Variants in ARSG observed in about 807,000 individuals in gnomAD.
ARSG encodes the protein ASG.
ARSG carries 37 observed loss-of-function variants against 50.5 expected under a neutral mutation model. The observed-to-expected ratio is 0.73, with a 90% confidence interval of 0.56 to 0.96. ARSG has a LOEUF of 0.96. ARSG is among the 50% of genes least tolerant of loss of function. The pLI is 0.00. For synonymous variants in ARSG, 225 were observed against 254.6 expected (o/e 0.88, Z 1.11); for missense variants, 629 against 675.3 (o/e 0.93, Z 0.76).
chr17:68,277,992 A>G (rs2075578964), intron 1 of ARSG: 2 of 765,704 alleles, frequency 2.6e-6, no homozygotes, highest in East Asian at 5.3e-5. Flanking sequence ...GTATAAGGGA[A>G]TGAAAGCATC....
chr17:68,408,544 T>G (rs2081852953), intron 11 of ARSG, among the ~76,000 whole-genome samples: 2 of 152,138 alleles, frequency 1.3e-5, no homozygotes, highest in African/African-American at 4.8e-5. Flanking sequence ...TTTGGGTTGG[T>G]TCCAAGTCTT....
intron 10 of ARSG, chr17:68,401,065 C>G: frequency 3.4e-6 from 1 of 293,920 alleles, no homozygotes; most frequent in Non-Finnish European, 6.4e-6. Flanking sequence ...GCTCTATCAC[C>G]CAGGCTGGAG....
At chr17:68,369,745 T>C (rs2079731622) in intron 7 of ARSG, among the ~76,000 whole-genome samples, 1 of 152,198 alleles carries the variant, frequency 6.6e-6, no homozygotes, top group Non-Finnish European at 1.5e-5. Flanking sequence ...TATGAGATGA[T>C]GTATGTGAAA....
intron 1 of ARSG, among the ~76,000 whole-genome samples, chr17:68,296,186 ATT>A (rs2076200462): frequency 6.6e-6 from 1 of 152,060 alleles, no homozygotes; most frequent in Admixed American, 6.6e-5. Context: ...GTGGGATCTC[ATT>A]GGCAATATTG....
intron 8 of ARSG, among the ~76,000 whole-genome samples, chr17:68,371,927 T>C (rs187523468): frequency 6.6e-6 from 1 of 152,250 alleles, no homozygotes; most frequent in Admixed American, 6.5e-5. Context: ...AATAATCACA[T>C]GTAGACTCAA....
At chr17:68,334,174 A>C (rs753133273) in intron 2 of ARSG, among the ~76,000 whole-genome samples, 2 of 152,098 alleles carry the variant, frequency 1.3e-5, no homozygotes, top group Non-Finnish European at 2.9e-5. Context: ...GCCTGCTTCT[A>C]AGATTTGGTT....
At chr17:68,353,611 C>T (rs2078899563) in intron 5 of ARSG, among the ~76,000 whole-genome samples, 1 of 152,180 alleles carries the variant, frequency 6.6e-6, no homozygotes, top group Non-Finnish European at 1.5e-5. Context: ...TCTTACCCAC[C>T]GTGGCCTGCT....
chr17:68,439,808 C>T, the ARSG span, among the ~76,000 whole-genome samples: 5 of 152,090 alleles, frequency 3.3e-5, no homozygotes, highest in Admixed American at 2.0e-4. Context: ...TGAAGGCTAC[C>T]GTGATATAGA....
chr17:68,437,099 A>G, the ARSG span, among the ~76,000 whole-genome samples: 7 of 151,722 alleles, frequency 4.6e-5, no homozygotes, highest in African/African-American at 1.7e-4. Flanking sequence ...TTTTCTTCCA[A>G]TTCCATTATC....
At chr17:68,308,660 T>G (rs567192073) in intron 2 of ARSG, among the ~76,000 whole-genome samples, 1 of 152,306 alleles carries the variant, frequency 6.6e-6, no homozygotes, top group East Asian at 1.9e-4. Context: ...CCTGCTTTTA[T>G]TCTCTTATCT....
intron 2 of ARSG, among the ~76,000 whole-genome samples, chr17:68,331,181 C>CTTT (rs1306486428): frequency 4.2e-5 from 1 of 23,900 alleles, no homozygotes; most frequent in Admixed American, 4.6e-4. Context: ...GACAGGGTTT[C>CTTT]TTTCTTTCTT....
chr17:68,310,750 C>T (rs1555766452), intron 2 of ARSG, among the ~76,000 whole-genome samples: 2 of 152,148 alleles, frequency 1.3e-5, no homozygotes, highest in South Asian at 2.1e-4. Flanking sequence ...AGATACGCGC[C>T]CTTGGTGGGT....
chr17:68,282,190 T>C (rs1400225897), intron 1 of ARSG, among the ~76,000 whole-genome samples: 2 of 152,168 alleles, frequency 1.3e-5, no homozygotes, highest in African/African-American at 2.4e-5. Flanking sequence ...GATGAGTTCA[T>C]GTCCTTGGTA....
At chr17:68,358,728 T>C (rs1375706775) in intron 6 of ARSG, among the ~76,000 whole-genome samples, 4 of 151,446 alleles carry the variant, frequency 2.6e-5, no homozygotes, top group Admixed American at 2.0e-4. Context: ...TAGCTGAGCA[T>C]AGTTGTGTGA....
At chr17:68,301,653 A>C (rs1196446299) in intron 1 of ARSG, among the ~76,000 whole-genome samples, 1 of 152,226 alleles carries the variant, frequency 6.6e-6, no homozygotes, top group African/African-American at 2.4e-5. Flanking sequence ...GTTACAATGT[A>C]AACCAGAGCC....
chr17:68,394,236 T>C (rs1253654460), intron 9 of ARSG, among the ~76,000 whole-genome samples: 1 of 152,164 alleles, frequency 6.6e-6, no homozygotes, highest in Non-Finnish European at 1.5e-5. Context: ...GCAAAAGTTA[T>C]GGCCACAGTT....
intron 10 of ARSG, among the ~76,000 whole-genome samples, chr17:68,397,239 G>A (rs904276946): frequency 6.6e-6 from 1 of 152,130 alleles, no homozygotes; most frequent in Non-Finnish European, 1.5e-5. Context: ...GCATCGTCAC[G>A]GGGAGGTATG....
intron 11 of ARSG, among the ~76,000 whole-genome samples, chr17:68,404,170 C>T (rs1295412794): frequency 2.0e-5 from 3 of 152,176 alleles, no homozygotes; most frequent in Non-Finnish European, 2.9e-5. Flanking sequence ...AATAAACATA[C>T]GTGTGCATGT....
chr17:68,403,160 G>A (rs2081551990), intron 11 of ARSG, among the ~76,000 whole-genome samples: 2 of 152,098 alleles, frequency 1.3e-5, no homozygotes, highest in Admixed American at 1.3e-4. Flanking sequence ...CTAAAACTCA[G>A]TCAGATATTT....
Sources: gnomAD v4.1 joint callset for allele counts (sites outside exome capture counted in the v4.1 genomes callset) on GRCh38, gnomAD v4.1.1 for gene constraint, MANE v1.5 for transcripts, NCBI Gene and HGNC (gene_info 2026-07-23, HGNC 2026-07-21) for gene names.